The following TPO variants were observed in gnomAD, a reference collection of about 807,000 sequenced individuals.
TPO encodes thyroid peroxidase.
A neutral mutation model predicts 96.9 loss-of-function variants in TPO; 78 were observed. The ratio of observed to expected loss-of-function variants is 0.81; its 90% confidence interval spans 0.67 to 0.97. TPO has a LOEUF of 0.97. Among genes scored for constraint, TPO ranks in the 50% least tolerant of loss-of-function variants. TPO has a pLI of 0.00. For missense variants in TPO, 1,252 were observed against 1,274.8 expected (o/e 0.98, Z 0.27); for synonymous variants, 547 against 538.0 (o/e 1.02, Z -0.23).
rs115504022 is a variant in TPO, at chr2:1,491,494, T to C, written c.1769-2308T>C. Among the ~76,000 whole-genome samples the C allele has an allele frequency of 9.9e-3, 1,511 of 152,366 alleles. 26 individuals carry two copies. The highest frequency in any genetic ancestry group is 0.035 in the African/African-American group (1,435 of 41,588). The stretch of plus-strand genomic sequence containing the variant: ...AATTATTTTGGACTACTTAAAACAG[T>C]TTGACAATGGTCTAAATTGACTATA... On this transcript the variant is annotated intron_variant, in intron 10 of 16. Transcript: ENST00000329066.
intron 4 of TPO, among the ~76,000 whole-genome samples, chr2:1,434,534 T>C (rs1167824471): frequency 6.6e-6 from 1 of 152,166 alleles, no homozygotes; most frequent in Non-Finnish European, 1.5e-5. Flanking sequence ...GAACTCTCGG[T>C]CCACTGTCCT....
chr2:1,529,441 A>T (rs1274791834), intron 15 of TPO, among the ~76,000 whole-genome samples: 9 of 82,126 alleles, frequency 1.1e-4, no homozygotes, highest in South Asian at 4.4e-4. Context: ...AACCTTCCCA[A>T]ATCCCCCCAC....
At chr2:1,445,574 T>G (rs775482482) in intron 5 of TPO, among the ~76,000 whole-genome samples, 2 of 133,874 alleles carry the variant, frequency 1.5e-5, no homozygotes, top group Admixed American at 7.1e-5. Flanking sequence ...TGGGGCAGGC[T>G]CCTTCTTGTT....
chr2:1,540,593 G>C lies in TPO; in HGVS notation c.2619-1G>C. 1 of 1,613,282 alleles carries C rather than the reference G, an allele frequency of 6.2e-7. No individual in the cohort carries two copies. Among genetic ancestry groups the C allele is most frequent in the African/African-American group, 1.3e-5 (1 of 75,034 alleles). ...GATAACTGGACACGTGTCTCCCACA[G>C]GACACGCACTGGCACTAAATCCACA... On this transcript the variant is annotated splice_acceptor_variant, in intron 15 of 16. Transcript: ENST00000329066. LOFTEE classifies it high-confidence loss of function.
intron 7 of TPO, among the ~76,000 whole-genome samples, chr2:1,467,012 G>C (rs905697209): frequency 2.0e-5 from 3 of 151,954 alleles, no homozygotes; most frequent in Non-Finnish European, 2.9e-5. Flanking sequence ...TTTTTATGTA[G>C]GCATTTAGGG....
Position 1,436,268 on chromosome 2 carries a change from TCTG to T in TPO, c.370_372del (p.Leu124del). 6.2e-7 allele frequency: 1 copy of T among 1,614,208 alleles called. No homozygotes were observed. Among genetic ancestry groups the T allele is most frequent in the Non-Finnish European group, 8.5e-7 (1 of 1,180,046 alleles). ...TTTTCACAGATGCTTTATCAGAAGA[TCTG>T]CTGAGCATCATTGCAAACATGTCTG... On this transcript the variant is annotated inframe_deletion, in exon 5 of 17. Coordinates refer to ENST00000329066, the MANE Select transcript of TPO (RefSeq NM_001206744.2).
chr2:1,485,952 G>A (rs1208460724), intron 9 of TPO, among the ~76,000 whole-genome samples: 1 of 152,174 alleles, frequency 6.6e-6, no homozygotes, highest in African/African-American at 2.4e-5. Flanking sequence ...TGCTTTTGGT[G>A]TTTTAGTCAT....
chr2:1,436,127 G>A, intron 4 of TPO, 125 bp from the exon 5 acceptor site: 6 of 1,460,960 alleles, frequency 4.1e-6, no homozygotes, highest in South Asian at 2.3e-5. Flanking sequence ...CTCAAAAACA[G>A]TGACCCCAGT....
intron 14 of TPO, among the ~76,000 whole-genome samples, chr2:1,504,528 C>T (rs1469409763): frequency 6.6e-6 from 1 of 152,218 alleles, no homozygotes; most frequent in Non-Finnish European, 1.5e-5. Flanking sequence ...TCCGGATGTC[C>T]CCGCCCGGCA....
chr2:1,411,626 G>A (rs1662349925), upstream of TPO, among the ~76,000 whole-genome samples: 1 of 152,144 alleles, frequency 6.6e-6, no homozygotes. Context: ...AGCTCCGGAG[G>A]TCATAGATCC....
At chr2:1,407,295 G>T (rs1262515439) in intron 1 of TPO, among the ~76,000 whole-genome samples, 2 of 152,300 alleles carry the variant, frequency 1.3e-5, no homozygotes, top group East Asian at 3.9e-4. Context: ...CCTGGGGAAA[G>T]TGCCAAAACC....
Position 1,504,016 on chromosome 2 carries a change from G to A in TPO, c.2455G>A (p.Gly819Ser). ...HASARCRNTK[G>S]GFQCLCADPY... ...CTCTGCGAGGTGCAGAAACACCAAAGGCGGCTTCCAGTGTCTCTGCGCGGA... is the reference window on the plus strand; with the variant it reads ...CTCTGCGAGGTGCAGAAACACCAAAAGCGGCTTCCAGTGTCTCTGCGCGGA... The change falls in exon 14 of 17, where the codon GGC becomes AGC. Residue 819 changes from glycine (G) to serine (S), a missense_variant. Gly to Ser is a moderately conservative substitution (Grantham distance 56). Coordinates refer to ENST00000329066, the MANE Select transcript of TPO (RefSeq NM_001206744.2). 6.8e-6 allele frequency: 11 copies of A among 1,614,258 alleles called. No individual in the cohort carries two copies. The highest frequency in any genetic ancestry group is 9.3e-6 in the Non-Finnish European group (11 of 1,180,054).
At chr2:1,418,529 A>C (rs1374061833) in intron 2 of TPO, among the ~76,000 whole-genome samples, 1 of 152,152 alleles carries the variant, frequency 6.6e-6, no homozygotes, top group Non-Finnish European at 1.5e-5. Context: ...GTCTTTGAAA[A>C]TGGAAAAAAA....
At chr2:1,423,187 A>G in intron 3 of TPO, 58 bp downstream of exon 3, 3 of 1,531,868 alleles carry the variant, frequency 2.0e-6, no homozygotes, top group Non-Finnish European at 2.7e-6. Flanking sequence ...ATCCTCCCTG[A>G]CATCCACACA....
At chr2:1,378,217 T>C (rs997249696) in intron 1 of TPO, among the ~76,000 whole-genome samples, 1 of 152,196 alleles carries the variant, frequency 6.6e-6, no homozygotes, top group African/African-American at 2.4e-5. Context: ...AGCATGAAAA[T>C]GGACTAATAC....
chr2:1,459,445 C>T (rs1022976369), intron 7 of TPO, among the ~76,000 whole-genome samples: 2 of 151,914 alleles, frequency 1.3e-5, no homozygotes, highest in Admixed American at 6.6e-5. Context: ...CCACCGTGCT[C>T]AGCCAACAAG....
rs61758082 is a variant in TPO, at chr2:1,477,543, C to T, written c.1277C>T (p.Ala426Val). 3 of 1,535,354 alleles carry T rather than the reference C, an allele frequency of 2.0e-6. No homozygotes were observed. Among genetic ancestry groups the T allele is most frequent in the Non-Finnish European group, 2.6e-6 (3 of 1,146,042 alleles). ...RLAAALKALN[A>V]HWSADAVYQE... Reference sequence around the variant, plus strand: ...GCCGCGGCGCTCAAGGCCCTCAATGCGCACTGGAGCGCGGACGCCGTGTAC... The same window carrying T: ...GCCGCGGCGCTCAAGGCCCTCAATGTGCACTGGAGCGCGGACGCCGTGTAC... Residue 426 changes from alanine (A) to valine (V), a missense_variant, in exon 8 of 17, where the codon GCG becomes GTG. Coordinates refer to ENST00000329066, the MANE Select transcript of TPO (RefSeq NM_001206744.2).
chr2:1,455,947 C>T (rs1667744897), intron 6 of TPO, 129 bp from the exon 7 acceptor site: 6 of 922,074 alleles, frequency 6.5e-6, no homozygotes, highest in African/African-American at 3.3e-5. Context: ...CTCCAGGGCA[C>T]AGATCTCCTA....
At chr2:1,429,604 G>A (rs1483572350) in intron 3 of TPO, among the ~76,000 whole-genome samples, 1 of 152,154 alleles carries the variant, frequency 6.6e-6, no homozygotes, top group African/African-American at 2.4e-5. Flanking sequence ...TGACCAAAAC[G>A]CTGGTAGAAA....
Sources: gnomAD v4.1 joint callset for allele counts (sites outside exome capture counted in the v4.1 genomes callset) on GRCh38, gnomAD v4.1.1 for gene constraint, MANE v1.5 for transcripts, NCBI Gene and HGNC (gene_info 2026-07-23, HGNC 2026-07-21) for gene names.